IL12RB2: variants seen among roughly 807,000 people sequenced by gnomAD.
IL12RB2 encodes interleukin-12 receptor subunit beta-2.
IL12RB2 carries 82 observed loss-of-function variants against 89.4 expected under a neutral mutation model. That is an observed-to-expected ratio of 0.92 (90% CI 0.77 to 1.10). The LOEUF is 1.10. Among genes scored for constraint, IL12RB2 ranks in the 50% least tolerant of loss-of-function variants. IL12RB2 has a pLI of 0.00. For synonymous variants in IL12RB2, 368 were observed against 370.1 expected, an observed-to-expected ratio of 0.99 and a Z score of 0.07; for missense variants, 963 against 1,031.9, an observed-to-expected ratio of 0.93 and a Z score of 0.92.
intron 13 of IL12RB2, 98 bp downstream of exon 13, chr1:67,372,881 C>T (rs564788180): frequency 1.9e-4 from 162 of 834,120 alleles, no homozygotes; most frequent in Middle Eastern, 1.7e-3. Context: ...CATGTGCTAG[C>T]GCAATGCCTG....
At chr1:67,311,311 GTT>G (rs1655026026) in intron 1 of IL12RB2, among the ~76,000 whole-genome samples, 1 of 152,156 alleles carries the variant, frequency 6.6e-6, no homozygotes, top group Non-Finnish European at 1.5e-5. Context: ...GGGTAAGCCT[GTT>G]CCTGCAGAAT....
intron 13 of IL12RB2, among the ~76,000 whole-genome samples, chr1:67,376,048 A>T (rs762254517): frequency 6.6e-6 from 1 of 151,890 alleles, no homozygotes; most frequent in Non-Finnish European, 1.5e-5. Flanking sequence ...GGGTTTCACC[A>T]TGTTAGCCAG....
rs577116231 is a variant in IL12RB2 at position 67,317,753 on chromosome 1, CT to C, written c.-36-2577del. ...TCATATTCCTTTCCCTCCTTCGCATCTTTCTTTCAATAGACATTTGTTGAGT... is the reference window on the plus strand; with the variant it reads ...TCATATTCCTTTCCCTCCTTCGCATCTTCTTTCAATAGACATTTGTTGAGT... On this transcript the variant is annotated intron_variant, in intron 2 of 16. Transcript: ENST00000674203. Among the ~76,000 whole-genome samples, 5 of 152,308 alleles carry C rather than the reference CT, an allele frequency of 3.3e-5. No homozygotes were observed. The East Asian group carries it at 9.6e-4, about 29-fold the overall frequency.
chr1:67,368,696 G>A (rs1002834660), intron 11 of IL12RB2, among the ~76,000 whole-genome samples: 1 of 152,170 alleles, frequency 6.6e-6, no homozygotes, highest in Non-Finnish European at 1.5e-5. Context: ...GTGGTTTAAA[G>A]TTCTGGCTCT....
Position 67,321,605 on chromosome 1 carries a change from C to A in IL12RB2, c.80C>A (p.Ala27Glu). 1 of 1,588,844 alleles carries A rather than the reference C, an allele frequency of 6.3e-7. No homozygotes were observed. Among genetic ancestry groups the A allele is most frequent in the Non-Finnish European group, 8.6e-7 (1 of 1,157,372 alleles). Reference sequence around the variant, plus strand: ...TTGCATCTGTATCTTATTGCAGATGCGTGCAAGAGAGGCGATGTGACTGTG... The same window carrying A: ...TTGCATCTGTATCTTATTGCAGATGAGTGCAAGAGAGGCGATGTGACTGTG... ...TWLLIKAKID[A>E]CKRGDVTVKP... The change falls in exon 4 of 17, where the codon GCG (alanine) becomes GAG (glutamate). Residue 27 changes from alanine to glutamate, a missense_variant. Coordinates refer to ENST00000674203, the MANE Select transcript of IL12RB2 (RefSeq NM_001374259.2).
At chr1:67,334,222 G>C (rs1242424682) in intron 8 of IL12RB2, among the ~76,000 whole-genome samples, 1 of 152,150 alleles carries the variant, frequency 6.6e-6, no homozygotes, top group Non-Finnish European at 1.5e-5. Context: ...AAATACTAGA[G>C]ATTATTTTGG....
At chr1:67,381,529 C>T (rs1205501114) in intron 14 of IL12RB2, among the ~76,000 whole-genome samples, 5 of 151,926 alleles carry the variant, frequency 3.3e-5, no homozygotes, top group South Asian at 2.1e-4. Flanking sequence ...TTTGGGAGGC[C>T]GAGGAGGGCG....
rs1015640544 is a variant in IL12RB2 at position 67,396,902 on chromosome 1, G to A, written c.*813G>A. Reference sequence around the variant, plus strand: ...AATCCCAGCACTTTGGGAGGCTGAGGCAGGCGGATCATGAGGTCAGGAGAT... The same window carrying A: ...AATCCCAGCACTTTGGGAGGCTGAGACAGGCGGATCATGAGGTCAGGAGAT... On this transcript the variant is annotated 3_prime_UTR_variant, in exon 17 of 17. Transcript: ENST00000674203. The A allele has an allele frequency of 3.9e-5, 6 of 152,312 alleles. No homozygotes were observed. The highest frequency in any genetic ancestry group is 1.4e-4 in the African/African-American group (6 of 41,436). The allele number at this position is 152,312 out of a possible 1,614,324, so 9.4% of individuals were successfully genotyped here. A position where few individuals can be genotyped will look rare whatever the true frequency, so the allele number is the denominator to read the frequency against.
chr1:67,370,766 A>G (rs1663216976), intron 11 of IL12RB2, among the ~76,000 whole-genome samples: 1 of 152,172 alleles, frequency 6.6e-6, no homozygotes, highest in Non-Finnish European at 1.5e-5. Context: ...CCAGTAAAAC[A>G]GGAGTTCTTG....
intron 4 of IL12RB2, among the ~76,000 whole-genome samples, chr1:67,322,168 G>A (rs1033536273): frequency 1.3e-5 from 2 of 152,008 alleles, no homozygotes; most frequent in Non-Finnish European, 2.9e-5. Context: ...CTGCAGGTGG[G>A]TCTTTATGCT....
intron 16 of IL12RB2, among the ~76,000 whole-genome samples, chr1:67,390,719 G>A (rs1278679810): frequency 6.6e-6 from 1 of 152,090 alleles, no homozygotes; most frequent in East Asian, 1.9e-4. Flanking sequence ...CAGGAAAGAA[G>A]GTGAGAAAGC....
chr1:67,328,094 A>C, intron 5 of IL12RB2, 106 bp from the exon 6 acceptor site: 1 of 874,768 alleles, frequency 1.1e-6, no homozygotes, highest in Non-Finnish European at 1.9e-6. Context: ...TTGACCTTTA[A>C]AAATTGTCTA....
intron 9 of IL12RB2, among the ~76,000 whole-genome samples, chr1:67,340,748 C>T (rs941365097): frequency 1.3e-5 from 2 of 152,134 alleles, no homozygotes; most frequent in Admixed American, 6.5e-5. Context: ...AGAGTGAAGT[C>T]AAAATAAGTA....
At chr1:67,351,509 A>C (rs1206655532) in intron 10 of IL12RB2, among the ~76,000 whole-genome samples, 1 of 152,196 alleles carries the variant, frequency 6.6e-6, no homozygotes. Context: ...GTCTTTTTAA[A>C]ACCAAAGTCG....
At chr1:67,357,851 A>G (rs1054713448) in intron 10 of IL12RB2, among the ~76,000 whole-genome samples, 2 of 152,248 alleles carry the variant, frequency 1.3e-5, no homozygotes, top group African/African-American at 4.8e-5. Context: ...AAAATGGGTA[A>G]GAAATTGAAA....
chr1:67,383,878 C>T (rs879584138), intron 14 of IL12RB2, among the ~76,000 whole-genome samples: 1 of 152,240 alleles, frequency 6.6e-6, no homozygotes, highest in Non-Finnish European at 1.5e-5. Flanking sequence ...CCATGTCTCA[C>T]ATTAGGTCAT....
chr1:67,386,872 T>TTTATATATATATA (rs1473033781), intron 15 of IL12RB2, among the ~76,000 whole-genome samples: 4 of 48,422 alleles, frequency 8.3e-5, no homozygotes, highest in Non-Finnish European at 1.8e-4. Context: ...GAAATGTATT[T>TTTATATATATATA]TATATATATA....
At chr1:67,339,099 G>A (rs759641316) in intron 9 of IL12RB2, among the ~76,000 whole-genome samples, 10 of 152,030 alleles carry the variant, frequency 6.6e-5, no homozygotes, top group Non-Finnish European at 1.2e-4. Context: ...AAAAGCTGTG[G>A]ATGTGGATAT....
chr1:67,344,765 G>C (rs185867203), intron 9 of IL12RB2, among the ~76,000 whole-genome samples: 64 of 152,294 alleles, frequency 4.2e-4, no homozygotes, highest in African/African-American at 1.3e-3. Flanking sequence ...TCACCCTCCA[G>C]ACAGTAGCAC....
Sources: gnomAD v4.1 joint callset for allele counts (sites outside exome capture counted in the v4.1 genomes callset) on GRCh38, gnomAD v4.1.1 for gene constraint, MANE v1.5 for transcripts, NCBI Gene and HGNC (gene_info 2026-07-23, HGNC 2026-07-21) for gene names.